Variants in CAMKV observed in about 807,000 individuals in gnomAD.
The protein encoded by CAMKV is caM kinase-like vesicle-associated protein.
CAMKV carries 5 observed loss-of-function variants against 50.2 expected under a neutral mutation model. That is an observed-to-expected ratio of 0.10 (90% CI 0.05 to 0.21). CAMKV has a LOEUF of 0.21. Among genes scored for constraint, CAMKV ranks in the 10% least tolerant of loss-of-function variants. The pLI is 1.00. For synonymous variants in CAMKV, 229 were observed against 250.1 expected, an observed-to-expected ratio of 0.92 and a Z score of 0.80; for missense variants, 361 against 650.5, an observed-to-expected ratio of 0.55 and a Z score of 4.84.
intron 1 of CAMKV, among the ~76,000 whole-genome samples, chr3:49,865,093 C>CCAG (rs2082053702): frequency 6.6e-6 from 1 of 152,224 alleles, no homozygotes; most frequent in South Asian, 2.1e-4. Context: ...CAGCATTATT[C>CCAG]CAGACAGGGT....
Position 49,861,701 on chromosome 3 carries a change from T to C in CAMKV, c.302+90A>G. On this transcript the variant is annotated intron_variant, in intron 4 of 10. Coordinates refer to ENST00000477224, the MANE Select transcript of CAMKV (RefSeq NM_024046.5). The surrounding 1 kb of genome is among the most constrained non-coding windows in gnomAD (Gnocchi z 7.7). Reference sequence around the variant, plus strand: ...GCACAGGGACCTGGGACGCCAAGGGTCCAGAAAGGGGGTTTCCTTAGCTGC... The same window carrying C: ...GCACAGGGACCTGGGACGCCAAGGGCCCAGAAAGGGGGTTTCCTTAGCTGC... 1 of 1,594,176 alleles carries C rather than the reference T, an allele frequency of 6.3e-7. No homozygotes were observed. Among genetic ancestry groups the C allele is most frequent in the Non-Finnish European group, 8.6e-7 (1 of 1,164,414 alleles).
At position 49,862,235 on chromosome 3, in the gene CAMKV, A is replaced by G. The variant is rs981269222; in HGVS notation, c.95+59T>C. ...TTAGCATCAGCTGCACTCCACTGCC[A>G]CTTCCCTAGCCCCTGCTCACCAGCC... On this transcript the variant is annotated intron_variant, in intron 2 of 10. Transcript: ENST00000477224. This position sits in a 1 kb window ranked among gnomAD's most constrained non-coding sequence, Gnocchi z 5.2. 6.8e-5 allele frequency: 110 copies of G among 1,613,920 alleles called. No individual in the cohort carries two copies. The highest frequency in any genetic ancestry group is 9.0e-5 in the Non-Finnish European group (106 of 1,180,002).
At chr3:49,865,313 G>C (rs974791373) in intron 1 of CAMKV, among the ~76,000 whole-genome samples, 1 of 152,078 alleles carries the variant, frequency 6.6e-6, no homozygotes, top group Non-Finnish European at 1.5e-5. Context: ...GCAGGAGGGG[G>C]CCTGCAACAG....
At position 49,859,299 on chromosome 3, in the gene CAMKV, C is replaced by G. The variant is rs949123105; in HGVS notation, c.*19G>C. The G allele has an allele frequency of 6.6e-7, 1 of 1,514,984 alleles. No individual in the cohort carries two copies. The allele number at this position is 1,514,984 out of a possible 1,614,324, so 93.8% of individuals were successfully genotyped here. A position where few individuals can be genotyped will look rare whatever the true frequency, so the allele number is the denominator to read the frequency against. On this transcript the variant is annotated 3_prime_UTR_variant, in exon 11 of 11. Coordinates refer to ENST00000477224, the MANE Select transcript of CAMKV (RefSeq NM_024046.5). This position sits in a 1 kb window ranked among gnomAD's most constrained non-coding sequence, Gnocchi z 5.5. Reference sequence around the variant, plus strand: ...CACCCTCCTGCCCATCCCCTGCCCCCCCTCACCAGGCTGCCTACTCAGCTG... The same window carrying G: ...CACCCTCCTGCCCATCCCCTGCCCCGCCTCACCAGGCTGCCTACTCAGCTG...
In CAMKV at chr3:49,860,899, C is replaced by G. The variant is rs1222429993; in HGVS notation, c.638+44G>C. The G allele has an allele frequency of 6.2e-7, 1 of 1,613,688 alleles. No individual in the cohort carries two copies. Among genetic ancestry groups the G allele is most frequent in the Non-Finnish European group, 8.5e-7 (1 of 1,179,794 alleles). On this transcript the variant is annotated intron_variant, in intron 7 of 10. Transcript: ENST00000477224. This position sits in a 1 kb window ranked among gnomAD's most constrained non-coding sequence, Gnocchi z 6.1. ...CAGAAAGGCCACAGACACATGCCCC[C>G]ACCCCATCTGACTGCAAGCCTGCTT...
chr3:49,866,193 C>A (rs1412222436), intron 1 of CAMKV, among the ~76,000 whole-genome samples: 5 of 152,176 alleles, frequency 3.3e-5, no homozygotes, highest in Admixed American at 6.5e-5. Flanking sequence ...AGGGGCCTGG[C>A]TTTCAATTAG....
At position 49,861,869 on chromosome 3, in the gene CAMKV, G is replaced by C. The variant is rs2082024589; in HGVS notation, c.228-4C>G. The stretch of plus-strand genomic sequence containing the variant: ...TAGGATGTTGGGATGCTTCACCCTG[G>C]CGACAGGGAGGGGAGCCAGTAGTTA... On this transcript the variant is annotated splice_region_variant and splice_polypyrimidine_tract_variant and intron_variant, in intron 3 of 10. Transcript: ENST00000477224. The surrounding 1 kb of genome is among the most constrained non-coding windows in gnomAD (Gnocchi z 7.7). The C allele has an allele frequency of 1.9e-6, 3 of 1,613,714 alleles. No homozygotes were observed. The highest frequency in any genetic ancestry group is 2.5e-6 in the Non-Finnish European group (3 of 1,179,806).
In CAMKV at chr3:49,862,019, G is replaced by A. The variant is rs373692911; in HGVS notation, c.227+26C>T. ...GCCCTTCCCTGCTGCCTCCCACCCC[G>A]CCCCAATCCCAGGCCTCAAACTCAC... is the stretch of plus-strand genomic sequence containing the variant. On this transcript the variant is annotated intron_variant, in intron 3 of 10. Coordinates refer to ENST00000477224, the MANE Select transcript of CAMKV (RefSeq NM_024046.5). The surrounding 1 kb of genome is among the most constrained non-coding windows in gnomAD (Gnocchi z 5.2). The A allele has an allele frequency of 2.6e-6, 4 of 1,528,472 alleles. No homozygotes were observed. Among genetic ancestry groups the A allele is most frequent in the East Asian group, 2.3e-5 (1 of 43,538 alleles). The allele number at this position is 1,528,472 out of a possible 1,614,324, so 94.7% of individuals were successfully genotyped here.
chr3:49,862,184 C>A lies in CAMKV; in HGVS notation c.96-8G>T. ...ATTTCACAAAACTCCTCACTGCAGC[C>A]GACAGGCACCCACTCAGGCCTGGCC... is the stretch of plus-strand genomic sequence containing the variant. On this transcript the variant is annotated splice_region_variant and splice_polypyrimidine_tract_variant and intron_variant, in intron 2 of 10. Transcript: ENST00000477224. The surrounding 1 kb of genome is among the most constrained non-coding windows in gnomAD (Gnocchi z 5.2). 1 of 1,614,170 alleles carries A rather than the reference C, an allele frequency of 6.2e-7. No homozygotes were observed. The highest frequency in any genetic ancestry group is 1.3e-5 in the African/African-American group (1 of 75,058).
In CAMKV at chr3:49,862,463, G is replaced by T. The variant is rs774747006; in HGVS notation, c.-14-61C>A. 1.5e-5 allele frequency: 22 copies of T among 1,464,694 alleles called. No homozygotes were observed. Among genetic ancestry groups the T allele is most frequent in the Non-Finnish European group, 1.9e-5 (20 of 1,044,660 alleles). The allele number at this position is 1,464,694 out of a possible 1,614,324, so 90.7% of individuals were successfully genotyped here. ...CTCTCCACTTCCCCACAACATAGGG[G>T]CTGCTTTTGGGAGACCCCAACCTGG... On this transcript the variant is annotated intron_variant, in intron 1 of 10. Transcript: ENST00000477224. The surrounding 1 kb of genome is among the most constrained non-coding windows in gnomAD (Gnocchi z 5.2).
Position 49,862,158 on chromosome 3 carries a change from G to T in CAMKV, c.114C>A (p.Ile38=), listed in dbSNP as rs111501823. ...CTGTCGTCTTGTCCTTGGCCCGGAA[G>T]ATTTCACAAAACTCCTCACTGCAGC... is the stretch of plus-strand genomic sequence containing the variant. ...QVIKTEEFCE[I]FRAKDKTTGK... is the part of the protein sequence containing the mutation. Residue 38 remains isoleucine (I), a synonymous_variant, in exon 3 of 11, where the codon ATC becomes ATA. Transcript: ENST00000477224. This position sits in a 1 kb window ranked among gnomAD's most constrained non-coding sequence, Gnocchi z 5.2. 4.0e-4 allele frequency: 642 copies of T among 1,614,188 alleles called. 5 individuals carry two copies. The African/African-American group carries it at 7.3e-3, about 18-fold the overall frequency.
intron 1 of CAMKV, among the ~76,000 whole-genome samples, chr3:49,867,885 G>A (rs1323165532): frequency 2.0e-5 from 3 of 152,196 alleles, no homozygotes; most frequent in Admixed American, 6.5e-5. Flanking sequence ...TGAAGGGGGC[G>A]GATGGGTGCC....
Position 49,860,587 on chromosome 3 carries a change from C to A in CAMKV, c.776-38G>T. On this transcript the variant is annotated intron_variant, in intron 8 of 10. Transcript: ENST00000477224. This position sits in a 1 kb window ranked among gnomAD's most constrained non-coding sequence, Gnocchi z 6.1. ...CCAAGAAGGGGATAGTCATGGGCAC[C>A]CCATCTCAATGTCTAGAGGTGATAA... 6.2e-7 allele frequency: 1 copy of A among 1,610,954 alleles called. No individual in the cohort carries two copies.
intron 1 of CAMKV, among the ~76,000 whole-genome samples, chr3:49,866,641 C>T (rs776373922): frequency 1.3e-5 from 2 of 152,180 alleles, no homozygotes; most frequent in Non-Finnish European, 2.9e-5. Context: ...TCTCATGGAG[C>T]CTGAGAGCCA....
Position 49,860,898 on chromosome 3 carries a change from C to T in CAMKV, c.638+45G>A, listed in dbSNP as rs750403491. The T allele has an allele frequency of 6.2e-7, 1 of 1,613,794 alleles. No individual in the cohort carries two copies. The highest frequency in any genetic ancestry group is 1.7e-5 in the Admixed American group (1 of 60,008). ...ACAGAAAGGCCACAGACACATGCCC[C>T]CACCCCATCTGACTGCAAGCCTGCT... On this transcript the variant is annotated intron_variant, in intron 7 of 10. Transcript: ENST00000477224. This position sits in a 1 kb window ranked among gnomAD's most constrained non-coding sequence, Gnocchi z 6.1.
chr3:49,863,570 A>C (rs1442322526), intron 1 of CAMKV: 1 of 152,162 alleles, frequency 6.6e-6, no homozygotes. Context: ...GTAGACACCC[A>C]ACTGGCATAG....
Position 49,859,725 on chromosome 3 carries a change from CAG to C in CAMKV, c.1097_1098del (p.Pro366ArgfsTer3). 6.3e-7 allele frequency: 1 copy of C among 1,598,308 alleles called. No homozygotes were observed. Among genetic ancestry groups the C allele is most frequent in the Non-Finnish European group, 8.5e-7 (1 of 1,171,276 alleles). On this transcript the variant is annotated frameshift_variant, in exon 11 of 11. Coordinates refer to ENST00000477224, the MANE Select transcript of CAMKV (RefSeq NM_024046.5). LOFTEE classifies it high-confidence loss of function. This position sits in a 1 kb window ranked among gnomAD's most constrained non-coding sequence, Gnocchi z 5.5. ...AAAASGATSAPEGDAARAAKS... is the reference protein window; with the variant it reads ...AAAASGATSAXEGDAARAAKS... ...TTTGCAGCACGAGCAGCATCACCCT[CAG>C]GGGCTGAGGTAGCTCCACTCGCAGC...
Position 49,860,312 on chromosome 3 carries a change from T to C in CAMKV, c.855-54A>G. The C allele has an allele frequency of 6.3e-7, 1 of 1,579,782 alleles. No homozygotes were observed. The highest frequency in any genetic ancestry group is 8.7e-7 in the Non-Finnish European group (1 of 1,148,990). On this transcript the variant is annotated intron_variant, in intron 9 of 10. Coordinates refer to ENST00000477224, the MANE Select transcript of CAMKV (RefSeq NM_024046.5). The surrounding 1 kb of genome is among the most constrained non-coding windows in gnomAD (Gnocchi z 6.1). ...TGAGAGAATGAGCCTTTGTGGAGAC[T>C]CTGCTCAGCCCTTCTATGTGGCATC...
At position 49,868,858 on chromosome 3, in the gene CAMKV, C is replaced by T. The variant is rs1038640411; in HGVS notation, c.-15+900G>A. 3.3e-5 allele frequency among the ~76,000 whole-genome samples: 5 copies of T among 152,212 alleles called. No homozygotes were observed. In the South Asian group the frequency reaches 1.0e-3, roughly 31 times the overall value. On this transcript the variant is annotated intron_variant, in intron 1 of 10. Coordinates refer to ENST00000477224, the MANE Select transcript of CAMKV (RefSeq NM_024046.5). The stretch of plus-strand genomic sequence containing the variant: ...AGCTTTTAGTGTGGGACAGAGGGCC[C>T]TGATCCTTAGGAAGGAACCTGGTGG...
Sources: gnomAD v4.1 joint callset for allele counts (sites outside exome capture counted in the v4.1 genomes callset) on GRCh38, gnomAD v4.1.1 for gene constraint, Gnocchi (gnomAD v3.1) non-coding constraint, MANE v1.5 for transcripts, NCBI Gene and HGNC (gene_info 2026-07-23, HGNC 2026-07-21) for gene names.